TMEM260: variants seen among roughly 807,000 people sequenced by gnomAD.
TMEM260 encodes transmembrane protein 260, also known as protein O-mannosyl-transferase TMEM260.
Under a neutral mutation model 88.9 loss-of-function variants are expected in TMEM260, and 82 were observed. That is an observed-to-expected ratio of 0.92 (90% CI 0.77 to 1.11). The LOEUF is 1.11. Among genes scored for constraint, TMEM260 ranks in the 50% least tolerant of loss-of-function variants. TMEM260 has a pLI of 0.00. For missense variants in TMEM260, 902 were observed against 853.4 expected, an observed-to-expected ratio of 1.06 and a Z score of -0.71; for synonymous variants, 314 against 309.3, an observed-to-expected ratio of 1.02 and a Z score of -0.16.
chr14:56,600,748 C>G lies in TMEM260; in HGVS notation c.345-3067C>G, dbSNP rs17091771. Reference sequence around the variant, plus strand: ...TGTTGGGAAACAAACATTGAAAGATCCACTACGCTTTTGTGTGCAGTACAT... The same window carrying G: ...TGTTGGGAAACAAACATTGAAAGATGCACTACGCTTTTGTGTGCAGTACAT... On this transcript the variant is annotated intron_variant, in intron 3 of 15. Transcript: ENST00000261556. Among the ~76,000 whole-genome samples the G allele has an allele frequency of 9.6e-3, 1,467 of 152,244 alleles. 49 individuals carry two copies. In the East Asian group the frequency reaches 0.1, roughly 10 times the overall value.
the TMEM260 span, among the ~76,000 whole-genome samples, chr14:56,656,380 C>G: frequency 1.9e-4 from 29 of 151,836 alleles, no homozygotes; most frequent in African/African-American, 6.8e-4. Flanking sequence ...GTTTGTGCCA[C>G]TGCACTCCAG....
chr14:56,609,643 A>G (rs985508872), intron 6 of TMEM260, among the ~76,000 whole-genome samples: 1 of 152,192 alleles, frequency 6.6e-6, no homozygotes, highest in African/African-American at 2.4e-5. Flanking sequence ...AAAAATCCTC[A>G]ATTTAAAAAA....
At chr14:56,652,563 C>T (rs989190067), downstream of TMEM260, among the ~76,000 whole-genome samples, 3 of 150,876 alleles carry the variant, frequency 2.0e-5, no homozygotes, top group African/African-American at 4.9e-5. Flanking sequence ...GCTACAGAAA[C>T]TTTAAAGAGG....
At chr14:56,621,765 A>G in intron 11 of TMEM260, 63 bp downstream of exon 11, 2 of 1,446,920 alleles carry the variant, frequency 1.4e-6, no homozygotes, top group Non-Finnish European at 1.9e-6. Context: ...TTTTGGAAAA[A>G]ACATCTTTTT....
chr14:56,586,594 G>A (rs1361260881), intron 3 of TMEM260, among the ~76,000 whole-genome samples: 1 of 152,094 alleles, frequency 6.6e-6, no homozygotes, highest in Admixed American at 6.5e-5. Context: ...CTATACCTAA[G>A]AGGATTATAG....
intron 14 of TMEM260, among the ~76,000 whole-genome samples, chr14:56,636,258 TATAATAGTG>T (rs1566572032): frequency 6.6e-6 from 1 of 150,928 alleles, no homozygotes; most frequent in African/African-American, 2.5e-5. Context: ...ATGAACAATG[TATAATAGTG>T]ATAAGTGTAA....
intron 3 of TMEM260, among the ~76,000 whole-genome samples, chr14:56,588,748 A>T (rs1885670900): frequency 6.6e-6 from 1 of 152,040 alleles, no homozygotes. Context: ...ATTTTTAAGC[A>T]TGCATTATGT....
intron 15 of TMEM260, among the ~76,000 whole-genome samples, chr14:56,641,388 A>G (rs1017353826): frequency 6.6e-6 from 1 of 152,224 alleles, no homozygotes; most frequent in Non-Finnish European, 1.5e-5. Context: ...AGAATTTTCA[A>G]CCCAGAACTT....
intron 15 of TMEM260, among the ~76,000 whole-genome samples, chr14:56,643,058 A>C (rs1323363914): frequency 6.6e-6 from 1 of 152,230 alleles, no homozygotes; most frequent in Non-Finnish European, 1.5e-5. Context: ...GACCAGATGG[A>C]TTCATAGCCG....
chr14:56,608,166 T>A (rs1887031183), intron 5 of TMEM260, among the ~76,000 whole-genome samples: 1 of 152,240 alleles, frequency 6.6e-6, no homozygotes, highest in African/African-American at 2.4e-5. Flanking sequence ...AGAATGTTTA[T>A]TTGAAAATGC....
intron 2 of TMEM260, 190 bp from the exon 3 acceptor site, chr14:56,585,571 A>G: frequency 1.8e-6 from 1 of 568,866 alleles, no homozygotes; most frequent in Non-Finnish European, 3.0e-6. Flanking sequence ...GACGCTGCCA[A>G]ATCCACTAAA....
intron 6 of TMEM260, among the ~76,000 whole-genome samples, chr14:56,609,505 A>G (rs1320725814): frequency 6.6e-6 from 1 of 152,182 alleles, no homozygotes; most frequent in Non-Finnish European, 1.5e-5. Context: ...TATATCCTGA[A>G]TATACTTTTT....
downstream of TMEM260, among the ~76,000 whole-genome samples, chr14:56,654,848 A>C (rs1198605056): frequency 2.0e-5 from 3 of 149,892 alleles, no homozygotes; most frequent in Non-Finnish European, 4.4e-5. Context: ...AAAAATGTTA[A>C]ATGTCCACAA....
At position 56,636,566 on chromosome 14, in the gene TMEM260, G is replaced by A; in HGVS notation, c.1837G>A (p.Val613Met). Residue 613 changes from valine (V) to methionine (M), a missense_variant, in exon 15 of 16, where the codon GTG becomes ATG. By Grantham distance (21) the Val-to-Met change is conservative. Coordinates refer to ENST00000261556, the MANE Select transcript of TMEM260 (RefSeq NM_017799.4). ...LAETAHMPSK[V>M]KAQLYAQAYD... ...AGAAACTGCTCACATGCCTTCAAAAGTGAAAGCTCAACTCTACGCTCAAGC... is the reference window on the plus strand; with the variant it reads ...AGAAACTGCTCACATGCCTTCAAAAATGAAAGCTCAACTCTACGCTCAAGC... The A allele has an allele frequency of 1.2e-6, 2 of 1,613,966 alleles. No individual in the cohort carries two copies. The highest frequency in any genetic ancestry group is 1.7e-6 in the Non-Finnish European group (2 of 1,179,982).
the TMEM260 span, among the ~76,000 whole-genome samples, chr14:56,656,681 G>T: frequency 6.6e-6 from 1 of 152,032 alleles, no homozygotes. Context: ...TGTCTCTCTA[G>T]TATGTTTAAA....
intron 5 of TMEM260, among the ~76,000 whole-genome samples, chr14:56,606,738 A>C (rs1206476847): frequency 6.6e-6 from 1 of 151,886 alleles, no homozygotes; most frequent in African/African-American, 2.4e-5. Flanking sequence ...CTAAAAATAC[A>C]AAAAAAAGTA....
rs1890080345 is a variant in TMEM260 at position 56,648,133 on chromosome 14, G to A, written c.*636G>A. ...TTGCTTATTTCAGTTGCAGAAACTG[G>A]CGAGTAAAAAAGATTTTGCATTTAC... On this transcript the variant is annotated 3_prime_UTR_variant, in exon 16 of 16. Coordinates refer to ENST00000261556, the MANE Select transcript of TMEM260 (RefSeq NM_017799.4). 1 of 151,374 alleles carries A rather than the reference G, an allele frequency of 6.6e-6. No homozygotes were observed. The highest frequency in any genetic ancestry group is 2.4e-5 in the African/African-American group (1 of 41,248). 9.4% of individuals were successfully genotyped at this position (151,374 alleles called of 1,614,324 possible). A position where few individuals can be genotyped will look rare whatever the true frequency, so the allele number is the denominator to read the frequency against.
intron 3 of TMEM260, among the ~76,000 whole-genome samples, 179 bp downstream of exon 3, chr14:56,586,091 G>T (rs1038465240): frequency 7.9e-5 from 12 of 151,986 alleles, no homozygotes; most frequent in Non-Finnish European, 1.6e-4. Context: ...TTACACAGTT[G>T]GTTTTGTTTC....
Position 56,625,536 on chromosome 14 carries a change from C to T in TMEM260, c.1547+6C>T. Reference sequence around the variant, plus strand: ...TTTCTTGAAGTAAATAAACAGTAAGCATTCTTTTTATATAATAGCTTTTCT... The same window carrying T: ...TTTCTTGAAGTAAATAAACAGTAAGTATTCTTTTTATATAATAGCTTTTCT... On this transcript the variant is annotated splice_donor_region_variant and intron_variant, in intron 12 of 15. Coordinates refer to ENST00000261556, the MANE Select transcript of TMEM260 (RefSeq NM_017799.4). The T allele has an allele frequency of 5.1e-6, 8 of 1,577,904 alleles. No homozygotes were observed. The highest frequency in any genetic ancestry group is 6.9e-6 in the Non-Finnish European group (8 of 1,154,284).
Sources: allele counts gnomAD v4.1 joint callset (sites outside exome capture counted in the v4.1 genomes callset), GRCh38; gene constraint gnomAD v4.1.1; transcripts MANE v1.5; gene names NCBI Gene and HGNC (gene_info 2026-07-23, HGNC 2026-07-21).